The following IFT80 variants were observed in gnomAD, a reference collection of about 807,000 sequenced individuals.
The protein encoded by IFT80 is intraflagellar transport 80.
Under a neutral mutation model 107.9 loss-of-function variants are expected in IFT80, and 79 were observed. The observed-to-expected ratio is 0.73, with a 90% CI of 0.61 to 0.88. The LOEUF is 0.88. Ranked by LOEUF, IFT80 falls within the 40% of genes least tolerant of loss-of-function variation. The probability of loss-of-function intolerance (pLI) is 0.00; values close to 1 mark genes in which losing one functional copy is unlikely to be tolerated. For synonymous variants in IFT80, 299 were observed against 300.9 expected (o/e 0.99, Z 0.07); for missense variants, 797 against 914.2 (o/e 0.87, Z 1.65).
rs192143532 is a variant in IFT80, at chr3:160,384,374, T to C, written c.37+190A>G. 2.1e-4 allele frequency: 255 copies of C among 1,226,994 alleles called. No homozygotes were observed. The African/African-American group carries it at 3.9e-3, about 19-fold the overall frequency. The allele number at this position is 1,226,994 out of a possible 1,614,324, so 76.0% of individuals were successfully genotyped here. ...AGTAAGAATTTTAAAATAAGATTTATAGCAAACGGTTCACTTTGGAGAATT... is the reference window on the plus strand; with the variant it reads ...AGTAAGAATTTTAAAATAAGATTTACAGCAAACGGTTCACTTTGGAGAATT... On this transcript the variant is annotated intron_variant, in intron 2 of 19. Transcript: ENST00000326448.
chr3:160,280,823 A>G lies in IFT80; in HGVS notation c.1517-9T>C. 6.2e-7 allele frequency: 1 copy of G among 1,610,320 alleles called. No homozygotes were observed. Among genetic ancestry groups the G allele is most frequent in the Non-Finnish European group, 8.5e-7 (1 of 1,177,466 alleles). On this transcript the variant is annotated splice_polypyrimidine_tract_variant and intron_variant, in intron 14 of 19. Coordinates refer to ENST00000326448, the MANE Select transcript of IFT80 (RefSeq NM_020800.3). ...AGTATGCACCATTGTTCCTTAATTTAAAAAGAATGTTAATGTGCTATTAGC... is the reference window on the plus strand; with the variant it reads ...AGTATGCACCATTGTTCCTTAATTTGAAAAGAATGTTAATGTGCTATTAGC...
intron 1 of IFT80, among the ~76,000 whole-genome samples, chr3:160,387,641 T>C (rs767756261): frequency 5.9e-5 from 9 of 152,144 alleles, no homozygotes; most frequent in Non-Finnish European, 5.9e-5. Context: ...GTTTTGGATA[T>C]GTTAAGTGCA....
Position 160,304,474 on chromosome 3 carries a change from C to T in IFT80, c.1077-485G>A, listed in dbSNP as rs545014081. On this transcript the variant is annotated intron_variant, in intron 10 of 19. Coordinates refer to ENST00000326448, the MANE Select transcript of IFT80 (RefSeq NM_020800.3). ...TTTTTGAGATGGAGTCTCGCTCTGT[C>T]GCCCAGGCTGGAGTCCAGTGGCACA... Among the ~76,000 whole-genome samples, 25 of 138,458 alleles carry T rather than the reference C, an allele frequency of 1.8e-4. 1 individual carries two copies. Among genetic ancestry groups the T allele is most frequent in the African/African-American group, 6.1e-4 (23 of 37,436 alleles). 90.8% of individuals were successfully genotyped at this position (138,458 alleles called of 152,430 possible).
chr3:160,300,809 A>T lies in IFT80; in HGVS notation c.1315+74T>A. 7.7e-6 allele frequency: 9 copies of T among 1,161,956 alleles called. No homozygotes were observed. In the South Asian group the frequency reaches 1.3e-4, roughly 16 times the overall value. 72.0% of individuals were successfully genotyped at this position (1,161,956 alleles called of 1,614,324 possible). A position where few individuals can be genotyped will look rare whatever the true frequency, so the allele number is the denominator to read the frequency against. On this transcript the variant is annotated intron_variant, in intron 12 of 19. Coordinates refer to ENST00000326448, the MANE Select transcript of IFT80 (RefSeq NM_020800.3). ...GATGTACTGGTAGATAAGAAAATGT[A>T]AGTTAATTTGTGAAAATTTTATAGT...
chr3:160,299,184 T>A (rs865804356), intron 12 of IFT80: 15 of 1,014,734 alleles, frequency 1.5e-5, no homozygotes, highest in Middle Eastern at 5.6e-4. Context: ...GCCATCTGGA[T>A]ACTATATTAT....
chr3:160,310,182 C>A (rs1181042171), intron 9 of IFT80, among the ~76,000 whole-genome samples: 2 of 152,138 alleles, frequency 1.3e-5, no homozygotes, highest in Non-Finnish European at 2.9e-5. Flanking sequence ...GATTCCAAGT[C>A]TAGATGGGAA....
chr3:160,300,041 T>G (rs1401481278), intron 12 of IFT80, among the ~76,000 whole-genome samples: 1 of 152,158 alleles, frequency 6.6e-6, no homozygotes, highest in African/African-American at 2.4e-5. Context: ...CATGGCCTTC[T>G]GGCAGTTCCT....
intron 19 of IFT80, among the ~76,000 whole-genome samples, chr3:160,259,617 A>G (rs569953979): frequency 1.3e-5 from 2 of 152,298 alleles, no homozygotes; most frequent in Non-Finnish European, 2.9e-5. Flanking sequence ...AAACATTTTT[A>G]TTTGTTTGCT....
At chr3:160,383,780 G>A (rs1489190535) in intron 2 of IFT80, 1 of 985,258 alleles carries the variant, frequency 1.0e-6, no homozygotes, top group Admixed American at 6.1e-5. Context: ...ATAGGGTCAT[G>A]TGTTTGAGAA....
intron 8 of IFT80, among the ~76,000 whole-genome samples, chr3:160,329,859 G>T (rs1718963724): frequency 6.6e-6 from 1 of 151,484 alleles, no homozygotes; most frequent in Non-Finnish European, 1.5e-5. Flanking sequence ...TTCGTTATAG[G>T]GTCCTCATCC....
At chr3:160,288,328 G>A (rs1395498976) in intron 12 of IFT80, among the ~76,000 whole-genome samples, 19 of 151,954 alleles carry the variant, frequency 1.3e-4, no homozygotes, top group East Asian at 3.9e-4. Flanking sequence ...GCGAGACTCC[G>A]TTTCAAAAAC....
intron 5 of IFT80, among the ~76,000 whole-genome samples, chr3:160,374,623 G>A (rs1711847717): frequency 6.6e-6 from 1 of 152,040 alleles, no homozygotes; most frequent in African/African-American, 2.4e-5. Flanking sequence ...TCTTCCAAAA[G>A]GCCAGTGATC....
At chr3:160,284,814 G>A (rs563911062) in intron 13 of IFT80, among the ~76,000 whole-genome samples, 1 of 152,222 alleles carries the variant, frequency 6.6e-6, no homozygotes, top group African/African-American at 2.4e-5. Flanking sequence ...AAAGCAAAGT[G>A]TAAAATTGTT....
At chr3:160,274,267 T>C (rs547691395) in intron 18 of IFT80, among the ~76,000 whole-genome samples, 2 of 152,328 alleles carry the variant, frequency 1.3e-5, no homozygotes, top group Non-Finnish European at 2.9e-5. Context: ...TGACTCCATT[T>C]GAGAGGACTG....
At chr3:160,351,091 C>G (rs1241234239) in intron 8 of IFT80, among the ~76,000 whole-genome samples, 2 of 151,648 alleles carry the variant, frequency 1.3e-5, no homozygotes, top group African/African-American at 2.4e-5. Flanking sequence ...CACCTATCAC[C>G]ACTTATGACT....
chr3:160,360,467 C>T (rs1006784117), intron 6 of IFT80, among the ~76,000 whole-genome samples: 6 of 152,170 alleles, frequency 3.9e-5, no homozygotes, highest in Non-Finnish European at 7.3e-5. Context: ...CCCAACCTAG[C>T]AAGGCAGGCC....
chr3:160,276,395 T>C (rs1714268724), intron 18 of IFT80, among the ~76,000 whole-genome samples: 1 of 152,216 alleles, frequency 6.6e-6, no homozygotes, highest in South Asian at 2.1e-4. Flanking sequence ...AAAATATCTA[T>C]AGAAATTCTA....
At chr3:160,274,458 G>C (rs1427421274) in intron 18 of IFT80, 1 of 152,224 alleles carries the variant, frequency 6.6e-6, no homozygotes, top group Non-Finnish European at 1.5e-5. Flanking sequence ...ATAAATGTTT[G>C]AAGAGGAGGA....
intron 3 of IFT80, among the ~76,000 whole-genome samples, chr3:160,380,036 CTTTT>C (rs11325261): frequency 1.5e-5 from 2 of 134,160 alleles, no homozygotes; most frequent in Non-Finnish European, 1.6e-5. Context: ...GTCTTTTTTT[CTTTT>C]TTTTTTTTTT....
Sources: gnomAD v4.1 joint callset for allele counts (sites outside exome capture counted in the v4.1 genomes callset) on GRCh38, gnomAD v4.1.1 for gene constraint, MANE v1.5 for transcripts, NCBI Gene and HGNC (gene_info 2026-07-23, HGNC 2026-07-21) for gene names.